Variants in WFDC9 observed in about 807,000 individuals in gnomAD.
WFDC9 encodes the protein WAP four-disulfide core domain 9, also known as protein WFDC9.
A neutral mutation model predicts 9.5 loss-of-function variants in WFDC9; 9 were observed. The ratio of observed to expected loss-of-function variants is 0.95; its 90% CI spans 0.57 to 1.65. WFDC9 has a LOEUF of 1.65. Ranked by LOEUF, WFDC9 falls within the 40% of genes most tolerant of loss-of-function variation. The pLI, the probability that WFDC9 is intolerant of heterozygous loss-of-function variation, is 0.00. For missense variants in WFDC9, 87 were observed against 106.7 expected (o/e 0.82, Z 0.81); for synonymous variants, 33 against 32.3 (o/e 1.02, Z -0.07).
At chr20:45,612,365 A>G (rs1032049183) in intron 2 of WFDC9, among the ~76,000 whole-genome samples, 1 of 152,160 alleles carries the variant, frequency 6.6e-6, no homozygotes, top group African/African-American at 2.4e-5. Flanking sequence ...GTATTGGAAT[A>G]TATTCCAAGT....
intron 1 of WFDC9, among the ~76,000 whole-genome samples, chr20:45,614,983 C>G (rs577487201): frequency 1.6e-4 from 25 of 152,286 alleles, no homozygotes; most frequent in African/African-American, 5.1e-4. Context: ...CCCAAAGTCT[C>G]TCAAATACAT....
intron 4 of WFDC9, 74 bp from the exon 5 acceptor site, chr20:45,608,214 C>G: frequency 6.7e-7 from 1 of 1,481,528 alleles, no homozygotes; most frequent in Non-Finnish European, 9.2e-7. Context: ...GCATCCTAGG[C>G]CCCAGATGAA....
intron 2 of WFDC9, among the ~76,000 whole-genome samples, chr20:45,612,242 A>T (rs992887533): frequency 5.9e-5 from 9 of 151,572 alleles, no homozygotes; most frequent in African/African-American, 2.2e-4. Flanking sequence ...TTTTTTTTAC[A>T]CTTAGCATTT....
intron 2 of WFDC9, among the ~76,000 whole-genome samples, chr20:45,610,690 AC>A (rs997979426): frequency 6.6e-6 from 1 of 152,230 alleles, no homozygotes; most frequent in African/African-American, 2.4e-5. Context: ...GACAAAAGGC[AC>A]TAAAGCAATT....
intron 1 of WFDC9, among the ~76,000 whole-genome samples, chr20:45,619,219 T>C (rs890726058): frequency 3.3e-5 from 5 of 152,176 alleles, no homozygotes; most frequent in African/African-American, 1.2e-4. Flanking sequence ...ATCATAGTCT[T>C]TTGCTCTGTG....
chr20:45,616,363 A>G (rs1340741083), intron 1 of WFDC9, among the ~76,000 whole-genome samples: 2 of 152,226 alleles, frequency 1.3e-5, no homozygotes, highest in Non-Finnish European at 2.9e-5. Flanking sequence ...CAATTCAGTC[A>G]GATCTTCAGG....
intron 1 of WFDC9, among the ~76,000 whole-genome samples, chr20:45,618,307 C>T (rs1474402722): frequency 6.6e-6 from 1 of 152,132 alleles, no homozygotes; most frequent in African/African-American, 2.4e-5. Context: ...TCACTAAAAC[C>T]TTCTCCATAT....
intron 1 of WFDC9, chr20:45,630,015 C>G: frequency 1.4e-6 from 2 of 1,437,422 alleles, no homozygotes; most frequent in Admixed American, 2.0e-5. Flanking sequence ...ATATCCAGCT[C>G]TGACCACAAT....
chr20:45,623,557 G>A (rs1982147997), intron 1 of WFDC9, among the ~76,000 whole-genome samples: 1 of 151,716 alleles, frequency 6.6e-6, no homozygotes, highest in African/African-American at 2.4e-5. Context: ...AACTCAGGGG[G>A]CGGAGGTTGC....
At chr20:45,608,261 C>G in intron 4 of WFDC9, 121 bp from the exon 5 acceptor site, 7 of 1,195,164 alleles carry the variant, frequency 5.9e-6, no homozygotes, top group Non-Finnish European at 8.3e-6. Flanking sequence ...CAGAAGTTAC[C>G]CACTTTTAAG....
rs1982365200 is a variant in WFDC9 at position 45,631,267 on chromosome 20, G to T, written c.-217C>A. Reference sequence around the variant, plus strand: ...TGTGGCCCCTACAGATGCCCCACTTGTCTTGCGTCCTGGTGTTCAATTTCT... The same window carrying T: ...TGTGGCCCCTACAGATGCCCCACTTTTCTTGCGTCCTGGTGTTCAATTTCT... On this transcript the variant is annotated 5_prime_UTR_variant, in exon 1 of 5. Coordinates refer to ENST00000326000, the MANE Select transcript of WFDC9 (RefSeq NM_147198.4). The T allele has an allele frequency of 2.4e-5, 8 of 333,734 alleles. No homozygotes were observed. The highest frequency in any genetic ancestry group is 1.2e-4 in the South Asian group (1 of 8,008). 20.7% of individuals were successfully genotyped at this position (333,734 alleles called of 1,614,324 possible). A position where few individuals can be genotyped will look rare whatever the true frequency, so the allele number is the denominator to read the frequency against.
chr20:45,614,817 A>G (rs1220082233), intron 1 of WFDC9, 96 bp from the exon 2 acceptor site: 2 of 152,304 alleles, frequency 1.3e-5, no homozygotes, highest in South Asian at 2.1e-4. Context: ...CAGAAACTAC[A>G]TGTTGGCTGT....
At chr20:45,622,801 A>AT (rs1982130796) in intron 1 of WFDC9, among the ~76,000 whole-genome samples, 1 of 152,158 alleles carries the variant, frequency 6.6e-6, no homozygotes, top group African/African-American at 2.4e-5. Flanking sequence ...ATTCTGTATT[A>AT]TTTGCTATCA....
chr20:45,621,999 C>T (rs371556889), intron 1 of WFDC9, among the ~76,000 whole-genome samples: 1 of 152,270 alleles, frequency 6.6e-6, no homozygotes, highest in Non-Finnish European at 1.5e-5. Context: ...TGCCCATATA[C>T]TTTTGTATAG....
At chr20:45,614,142 C>T (rs536876044) in intron 2 of WFDC9, among the ~76,000 whole-genome samples, 1 of 152,252 alleles carries the variant, frequency 6.6e-6, no homozygotes, top group East Asian at 1.9e-4. Context: ...CTTTCTTTCC[C>T]CTTGCCCTTT....
At chr20:45,624,018 C>A (rs1005387296) in intron 1 of WFDC9, among the ~76,000 whole-genome samples, 2 of 151,932 alleles carry the variant, frequency 1.3e-5, no homozygotes, top group African/African-American at 2.4e-5. Flanking sequence ...TGGTGAAACA[C>A]CCGTCTCTAC....
At chr20:45,624,732 A>AT (rs1982178634) in intron 1 of WFDC9, among the ~76,000 whole-genome samples, 1 of 152,098 alleles carries the variant, frequency 6.6e-6, no homozygotes, top group Admixed American at 6.6e-5. Context: ...AGCACTTGTT[A>AT]TTTTTTGTCA....
chr20:45,616,290 C>A (rs1441586776), intron 1 of WFDC9, among the ~76,000 whole-genome samples: 1 of 152,296 alleles, frequency 6.6e-6, no homozygotes, highest in East Asian at 1.9e-4. Flanking sequence ...AAAGAAACCA[C>A]TTTCTTTGCT....
intron 1 of WFDC9, chr20:45,630,883 C>T: frequency 3.1e-6 from 5 of 1,601,362 alleles, no homozygotes; most frequent in Non-Finnish European, 4.3e-6. Context: ...CACAGCTATC[C>T]CCAGAAATCA....
Sources: gnomAD v4.1 joint callset for allele counts (sites outside exome capture counted in the v4.1 genomes callset) on GRCh38, gnomAD v4.1.1 for gene constraint, MANE v1.5 for transcripts, NCBI Gene and HGNC (gene_info 2026-07-23, HGNC 2026-07-21) for gene names.